RBFOX1: variants seen among roughly 807,000 people sequenced by gnomAD.
RBFOX1 encodes the protein RNA binding fox-1 homolog 1.
In RBFOX1, 8 loss-of-function variants were observed where a neutral mutation model predicts 57.7. The observed-to-expected ratio is 0.14, with a 90% CI of 0.08 to 0.25. The LOEUF is 0.25. RBFOX1 is among the 10% of genes least tolerant of loss of function. RBFOX1 has a pLI of 1.00. For synonymous variants in RBFOX1, 326 were observed against 222.4 expected (o/e 1.47, Z -4.15); for missense variants, 611 against 548.5 (o/e 1.11, Z -1.14).
At chr16:6,598,137 C>G (rs1420071) in intron 2 of RBFOX1, among the ~76,000 whole-genome samples, 1 of 152,084 alleles carries the variant, frequency 6.6e-6, no homozygotes, top group South Asian at 2.1e-4. Flanking sequence ...TATCCACATC[C>G]GTGTCTTCAC....
At chr16:7,310,804 T>C (rs950431447) in intron 4 of RBFOX1, among the ~76,000 whole-genome samples, 10 of 152,214 alleles carry the variant, frequency 6.6e-5, no homozygotes, top group African/African-American at 1.4e-4. Flanking sequence ...TCCATGTTGA[T>C]GGAACTCCTG....
intron 3 of RBFOX1, among the ~76,000 whole-genome samples, chr16:5,719,620 A>T (rs962397276): frequency 6.6e-6 from 1 of 152,044 alleles, no homozygotes; most frequent in Non-Finnish European, 1.5e-5. Flanking sequence ...GTCTCTATGG[A>T]CTTGCCTATT....
chr16:6,866,754 G>C (rs1177584917), intron 3 of RBFOX1, among the ~76,000 whole-genome samples: 1 of 151,774 alleles, frequency 6.6e-6, no homozygotes, highest in Non-Finnish European at 1.5e-5. Context: ...GTGTTAGCCA[G>C]GATGGTCTCG....
At chr16:7,007,040 A>T (rs2093345753) in intron 3 of RBFOX1, among the ~76,000 whole-genome samples, 2 of 152,190 alleles carry the variant, frequency 1.3e-5, no homozygotes, top group Admixed American at 6.5e-5. Flanking sequence ...TGAGAAATCT[A>T]GTTGGCTCAT....
chr16:6,758,391 G>C (rs368583563), intron 3 of RBFOX1, among the ~76,000 whole-genome samples: 1 of 152,068 alleles, frequency 6.6e-6, no homozygotes, highest in Non-Finnish European at 1.5e-5. Flanking sequence ...AGATTAACCA[G>C]ACCAAAGCTA....
At chr16:6,079,354 C>G (rs368940028) in intron 1 of RBFOX1, among the ~76,000 whole-genome samples, 1 of 152,156 alleles carries the variant, frequency 6.6e-6, no homozygotes, top group East Asian at 1.9e-4. Flanking sequence ...CTCTGTTTGC[C>G]AGGTTGGAGT....
chr16:6,517,994 T>C (rs1395385861), intron 2 of RBFOX1, among the ~76,000 whole-genome samples: 3 of 152,262 alleles, frequency 2.0e-5, no homozygotes, highest in Non-Finnish European at 4.4e-5. Context: ...ACCCACTGAG[T>C]TAAATGATGT....
intron 3 of RBFOX1, among the ~76,000 whole-genome samples, chr16:6,996,969 G>A (rs1329114622): frequency 6.6e-6 from 1 of 152,034 alleles, no homozygotes; most frequent in Non-Finnish European, 1.5e-5. Flanking sequence ...AAGTTTATAG[G>A]CAGCATTGAA....
At chr16:5,591,932 C>T (rs1440448776) in intron 2 of RBFOX1, among the ~76,000 whole-genome samples, 1 of 152,190 alleles carries the variant, frequency 6.6e-6, no homozygotes, top group Non-Finnish European at 1.5e-5. Flanking sequence ...AAAATGTTGG[C>T]CAATGTATAA....
chr16:7,088,732 G>A (rs2060360391), intron 4 of RBFOX1, among the ~76,000 whole-genome samples: 1 of 152,192 alleles, frequency 6.6e-6, no homozygotes, highest in African/African-American at 2.4e-5. Flanking sequence ...TAAAGAGCAT[G>A]TGTGAATTTC....
chr16:7,392,594 C>A (rs567608515), intron 4 of RBFOX1, among the ~76,000 whole-genome samples: 11 of 152,206 alleles, frequency 7.2e-5, no homozygotes, highest in Non-Finnish European at 1.3e-4. Context: ...ATGGCCCCTC[C>A]TTCTTCTTGG....
chr16:6,899,439 AGTTG>A (rs997985998), intron 3 of RBFOX1, among the ~76,000 whole-genome samples: 1 of 152,030 alleles, frequency 6.6e-6, no homozygotes, highest in Non-Finnish European at 1.5e-5. Flanking sequence ...TTACATTTTT[AGTTG>A]GTTGTTTACG....
At chr16:7,322,215 G>A (rs1265342421) in intron 4 of RBFOX1, among the ~76,000 whole-genome samples, 1 of 152,230 alleles carries the variant, frequency 6.6e-6, no homozygotes, top group African/African-American at 2.4e-5. Flanking sequence ...TATCGGACAA[G>A]GGAATGAAAG....
intron 1 of RBFOX1, among the ~76,000 whole-genome samples, chr16:5,390,737 C>G (rs1165909980): frequency 6.6e-6 from 1 of 152,170 alleles, no homozygotes; most frequent in Non-Finnish European, 1.5e-5. Flanking sequence ...CCAATCAGTT[C>G]ACATTATTCC....
intron 4 of RBFOX1, among the ~76,000 whole-genome samples, chr16:5,884,521 C>T (rs2063647249): frequency 6.6e-6 from 1 of 150,704 alleles, no homozygotes; most frequent in African/African-American, 2.5e-5. Flanking sequence ...TCCCAGCCTC[C>T]CTTGTAGTTG....
chr16:5,611,719 T>TATCCATCCATCCATCCCTCCATCC (rs2047802524), intron 3 of RBFOX1, among the ~76,000 whole-genome samples: 1 of 114,584 alleles, frequency 8.7e-6, no homozygotes, highest in Non-Finnish European at 1.7e-5. Flanking sequence ...TCCATCCATC[T>TATCCATCCATCCATCCCTCCATCC]ATCCATCCAT....
intron 2 of RBFOX1, among the ~76,000 whole-genome samples, chr16:6,584,273 C>G (rs1233405055): frequency 2.0e-5 from 3 of 151,262 alleles, no homozygotes; most frequent in East Asian, 1.9e-4. Context: ...CACACTTTCA[C>G]TATTTGGAGC....
intron 4 of RBFOX1, among the ~76,000 whole-genome samples, chr16:7,442,776 A>T (rs1373716807): frequency 6.6e-6 from 1 of 152,148 alleles, no homozygotes; most frequent in African/African-American, 2.4e-5. Flanking sequence ...ATGGCCTCAG[A>T]CGTCGATCGT....
intron 4 of RBFOX1, among the ~76,000 whole-genome samples, chr16:7,431,885 C>T (rs746560599): frequency 1.6e-4 from 24 of 152,298 alleles, no homozygotes; most frequent in Admixed American, 7.2e-4. Flanking sequence ...AGACCTTTCC[C>T]CCACCATCCA....
Sources: allele counts gnomAD v4.1 joint callset (sites outside exome capture counted in the v4.1 genomes callset), GRCh38; gene constraint gnomAD v4.1.1; transcripts MANE v1.5; gene names NCBI Gene and HGNC (gene_info 2026-07-23, HGNC 2026-07-21).